The following TFDP1 variants were observed in gnomAD, a reference collection of about 807,000 sequenced individuals.
TFDP1 encodes the protein transcription factor Dp-1.
A neutral mutation model predicts 48.0 loss-of-function variants in TFDP1; 6 were observed. The ratio of observed to expected loss-of-function variants is 0.13; its 90% CI spans 0.07 to 0.25. The LOEUF (loss-of-function observed/expected upper bound fraction) is 0.25, where lower values mean the gene tolerates loss of function less well. TFDP1 is among the 10% of genes least tolerant of loss of function. The probability of loss-of-function intolerance (pLI) is 1.00; values close to 1 mark genes in which losing one functional copy is unlikely to be tolerated. For synonymous variants in TFDP1, 201 were observed against 211.6 expected, an observed-to-expected ratio of 0.95 and a Z score of 0.44; for missense variants, 335 against 543.0, an observed-to-expected ratio of 0.62 and a Z score of 3.81.
intron 2 of TFDP1, among the ~76,000 whole-genome samples, chr13:113,608,539 C>G (rs1465647917): frequency 6.6e-6 from 1 of 152,204 alleles, no homozygotes; most frequent in East Asian, 1.9e-4. Flanking sequence ...CACTCCCACA[C>G]AGATGCTCGA....
rs1276212562 is a variant in TFDP1 at position 113,641,052 on chromosome 13, C to G, written c.*785C>G. ...ATTTCTTACAGGCAGCGTTTGGAAA[C>G]CTTTTATTATATAGTTGTTTACATA... On this transcript the variant is annotated 3_prime_UTR_variant, in exon 12 of 12. Transcript: ENST00000375370. 2 of 152,530 alleles carry G rather than the reference C, an allele frequency of 1.3e-5. No homozygotes were observed. Among genetic ancestry groups the G allele is most frequent in the African/African-American group, 4.8e-5 (2 of 41,396 alleles). The allele number at this position is 152,530 out of a possible 1,614,324, so 9.4% of individuals were successfully genotyped here.
chr13:113,638,131 T>C (rs2049543501), intron 11 of TFDP1, among the ~76,000 whole-genome samples: 1 of 152,202 alleles, frequency 6.6e-6, no homozygotes, highest in Admixed American at 6.5e-5. Context: ...TTTTTCATAG[T>C]ATCACCTAAT....
At chr13:113,617,930 GGATTA>G (rs1247769132) in intron 3 of TFDP1, among the ~76,000 whole-genome samples, 1 of 152,188 alleles carries the variant, frequency 6.6e-6, no homozygotes, top group Non-Finnish European at 1.5e-5. Context: ...TTCTGTTAAT[GGATTA>G]TAGCAACTGA....
Position 113,636,028 on chromosome 13 carries a change from G to T in TFDP1, c.739G>T (p.Ala247Ser). The T allele has an allele frequency of 2.5e-6, 4 of 1,614,170 alleles. No individual in the cohort carries two copies. Among genetic ancestry groups the T allele is most frequent in the Non-Finnish European group, 1.7e-6 (2 of 1,180,038 alleles). The stretch of plus-strand genomic sequence containing the variant: ...GAGAAACCGGCATGCGGAGCAGCAG[G>T]CCAGCCGGCCACCGCCACCCAACTC... Reference protein sequence around the residue: ...VQRNRHAEQQASRPPPPNSVI... With the variant: ...VQRNRHAEQQSSRPPPPNSVI... The change falls in exon 9 of 12, where the codon GCC (alanine) becomes TCC (serine). Residue 247 changes from alanine to serine, a missense_variant. Ala to Ser is a moderately conservative substitution (Grantham distance 99). This residue lies in a region of TFDP1 where 204 missense variants were observed against 287.1 expected (regional missense o/e 0.71). Coordinates refer to ENST00000375370, the MANE Select transcript of TFDP1 (RefSeq NM_007111.5).
chr13:113,623,274 T>A lies in TFDP1; in HGVS notation c.174T>A (p.Ile58=), dbSNP rs550544558. ...CCTTTGGACAGTCCAATGTCAACAT[T>A]GCCCAGCAAGTGGTAAGCCTCCCGC... is the stretch of plus-strand genomic sequence containing the variant. The part of the protein sequence containing the change: ...PKTFGQSNVN[I]AQQVVIGTPQ... The change falls in exon 4 of 12, where the codon ATT becomes ATA. Residue 58 remains isoleucine, a synonymous_variant. Coordinates refer to ENST00000375370, the MANE Select transcript of TFDP1 (RefSeq NM_007111.5). The surrounding 1 kb of genome is among the most constrained non-coding windows in gnomAD (Gnocchi z 5.2). 3 of 1,611,718 alleles carry A rather than the reference T, an allele frequency of 1.9e-6. No homozygotes were observed. The African/African-American group carries it at 4.0e-5, about 22-fold the overall frequency.
chr13:113,629,582 G>C (rs1278148077), intron 4 of TFDP1, among the ~76,000 whole-genome samples: 1 of 152,222 alleles, frequency 6.6e-6, no homozygotes, highest in Admixed American at 6.5e-5. Flanking sequence ...CTTGACTAGA[G>C]TGGGCTTTGT....
rs180884739 is a variant in TFDP1, at chr13:113,607,863, G to A, written c.13-3133G>A. Among the ~76,000 whole-genome samples, 605 of 152,338 alleles carry A rather than the reference G, an allele frequency of 4.0e-3. 7 individuals carry two copies. Among genetic ancestry groups the A allele is most frequent in the African/African-American group, 0.014 (577 of 41,578 alleles). On this transcript the variant is annotated intron_variant, in intron 2 of 11. Coordinates refer to ENST00000375370, the MANE Select transcript of TFDP1 (RefSeq NM_007111.5). The surrounding 1 kb of genome is among the most constrained non-coding windows in gnomAD (Gnocchi z 5.2). The stretch of plus-strand genomic sequence containing the variant: ...AGCCGGAGCTGACCACCAAGTCGAC[G>A]GGGCAGAGTGAGAAACATCCAGGCC...
At chr13:113,614,614 C>CCCCTGG (rs2048811335) in intron 3 of TFDP1, among the ~76,000 whole-genome samples, 1 of 152,218 alleles carries the variant, frequency 6.6e-6, no homozygotes, top group Admixed American at 6.5e-5. Context: ...TCCTCATGGG[C>CCCCTGG]CCCTGGCCCT....
chr13:113,628,189 T>C (rs527948308), intron 4 of TFDP1, among the ~76,000 whole-genome samples: 1 of 151,678 alleles, frequency 6.6e-6, no homozygotes, highest in Admixed American at 6.6e-5. Flanking sequence ...GTAAAGACTG[T>C]GTCTGAAGCC....
At chr13:113,613,498 T>C (rs1290003125) in intron 3 of TFDP1, among the ~76,000 whole-genome samples, 1 of 152,254 alleles carries the variant, frequency 6.6e-6, no homozygotes, top group Non-Finnish European at 1.5e-5. Context: ...TTTGTTGGTG[T>C]TTGCATGTGT....
chr13:113,639,744 C>CT (rs1212917188), intron 11 of TFDP1, among the ~76,000 whole-genome samples: 1 of 152,164 alleles, frequency 6.6e-6, no homozygotes, highest in Non-Finnish European at 1.5e-5. Flanking sequence ...CCCGGGCTCT[C>CT]TTTTTTCCTG....
In TFDP1 at chr13:113,629,834, C is replaced by T. The variant is rs369660293; in HGVS notation, c.187-1789C>T. Among the ~76,000 whole-genome samples, 37 of 152,324 alleles carry T rather than the reference C, an allele frequency of 2.4e-4. No individual in the cohort carries two copies. The East Asian group carries it at 2.9e-3, about 12-fold the overall frequency. On this transcript the variant is annotated intron_variant, in intron 4 of 11. Coordinates refer to ENST00000375370, the MANE Select transcript of TFDP1 (RefSeq NM_007111.5). The stretch of plus-strand genomic sequence containing the variant: ...TGCCTGGAGGACAGCGGCACGGTGA[C>T]GGCATCTGTTTTGGGGCCAAGATCC...
intron 7 of TFDP1, 154 bp downstream of exon 7, chr13:113,634,187 G>A (rs746862807): frequency 9.2e-7 from 1 of 1,082,534 alleles, no homozygotes; most frequent in Non-Finnish European, 1.4e-6. Context: ...GCGTTTCTCA[G>A]TCTTGGCTGT....
rs1335405731 is a variant in TFDP1, at chr13:113,636,536, T to C, written c.842T>C (p.Phe281Ser). ...VIDCSISNDKFEYLFNFDNTF... is the reference protein window; with the variant it reads ...VIDCSISNDKSEYLFNFDNTF... ...CTGACTGTGCCTTTCCCCTTCAGAT[T>C]TGAGTATCTGTTTAATTTTGACAAC... The change falls in exon 10 of 12, where the codon TTT becomes TCT. Residue 281 changes from phenylalanine (F) to serine (S), a missense_variant and splice_region_variant. By Grantham distance (155) the Phe-to-Ser change is radical (BLOSUM62 -2). Transcript: ENST00000375370. 5 of 1,613,520 alleles carry C rather than the reference T, an allele frequency of 3.1e-6. No individual in the cohort carries two copies. Among genetic ancestry groups the C allele is most frequent in the Admixed American group, 3.3e-5 (2 of 60,010 alleles).
chr13:113,640,061 C>T (rs1053678954), intron 11 of TFDP1, 59 bp from the exon 12 acceptor site: 10 of 1,284,004 alleles, frequency 7.8e-6, no homozygotes, highest in African/African-American at 4.5e-5. Context: ...AGCCCTGAGG[C>T]GGGGGGAGGC....
chr13:113,596,279 T>C (rs2140307928), intron 2 of TFDP1, among the ~76,000 whole-genome samples: 1 of 152,358 alleles, frequency 6.6e-6, no homozygotes, highest in Admixed American at 6.5e-5. Context: ...AGCCTCTGAC[T>C]TTGTTTTCAT....
At chr13:113,635,016 A>G (rs1301453218) in intron 8 of TFDP1, among the ~76,000 whole-genome samples, 1 of 152,228 alleles carries the variant, frequency 6.6e-6, no homozygotes, top group Non-Finnish European at 1.5e-5. Flanking sequence ...TGCAAAAGCA[A>G]CATTTGAAAA....
chr13:113,640,537 C>A lies in TFDP1; in HGVS notation c.*270C>A. On this transcript the variant is annotated 3_prime_UTR_variant, in exon 12 of 12. Transcript: ENST00000375370. ...TTCATTTGCTATTTTTCTTTAAGTG[C>A]AGAGTTCATTTTTGCCCCTGAAAAG... 2.6e-6 allele frequency: 1 copy of A among 378,002 alleles called. No individual in the cohort carries two copies. The highest frequency in any genetic ancestry group is 4.5e-6 in the Non-Finnish European group (1 of 224,488). The allele number at this position is 378,002 out of a possible 1,614,324, so 23.4% of individuals were successfully genotyped here.
chr13:113,626,518 C>T (rs900045731), intron 4 of TFDP1, among the ~76,000 whole-genome samples: 1 of 151,958 alleles, frequency 6.6e-6, no homozygotes, highest in Non-Finnish European at 1.5e-5. Context: ...CTGCGCCCCG[C>T]TTCCCCGCAG....
Sources: gnomAD v4.1 joint callset for allele counts (sites outside exome capture counted in the v4.1 genomes callset) on GRCh38, gnomAD v4.1.1 for gene constraint, gnomAD v4.1.1 regional missense constraint, Gnocchi (gnomAD v3.1) non-coding constraint, MANE v1.5 for transcripts, NCBI Gene and HGNC (gene_info 2026-07-23, HGNC 2026-07-21) for gene names.